The following CRYBG1 variants were observed in gnomAD, a reference collection of about 807,000 sequenced individuals.
CRYBG1 encodes crystallin beta-gamma domain containing 1.
A neutral mutation model predicts 189.2 loss-of-function variants in CRYBG1; 139 were observed. That is an observed-to-expected ratio of 0.73 (90% CI 0.64 to 0.85). The LOEUF (loss-of-function observed/expected upper bound fraction) is 0.85. CRYBG1 is among the 40% of genes least tolerant of loss of function. The probability of loss-of-function intolerance (pLI) is 0.00; values close to 1 mark genes in which losing one functional copy is unlikely to be tolerated. For synonymous variants in CRYBG1, 1,023 were observed against 1,017.1 expected (o/e 1.01, Z -0.11); for missense variants, 2,611 against 2,675.8 (o/e 0.98, Z 0.53).
intron 1 of CRYBG1, among the ~76,000 whole-genome samples, chr6:106,441,960 C>T (rs900593543): frequency 1.3e-5 from 2 of 152,094 alleles, no homozygotes; most frequent in African/African-American, 2.4e-5. Flanking sequence ...TTACTATAAG[C>T]ACCATATTAT....
chr6:106,511,527 G>T lies in CRYBG1; in HGVS notation c.410G>T (p.Gly137Val), dbSNP rs1322158047. ...TAGRRRNSRN[G>V]LESPTRSNAK... ...GGAAGGAGAAGAAACAGTAGAAACG[G>T]GTTAGAGAGTCCCACCAGATCAAAT... The change falls in exon 3 of 22, where the codon GGG becomes GTG. Residue 137 changes from glycine to valine, a missense_variant. Coordinates refer to ENST00000633556, the MANE Select transcript of CRYBG1 (RefSeq NM_001371242.2). 1.8e-5 allele frequency: 28 copies of T among 1,535,604 alleles called. No individual in the cohort carries two copies. The highest frequency in any genetic ancestry group is 2.4e-5 in the Non-Finnish European group (28 of 1,146,604).
chr6:106,387,109 T>C (rs7757514), intron 1 of CRYBG1, among the ~76,000 whole-genome samples: 19,013 of 152,176 alleles, frequency 0.12, 1,317 homozygotes, highest in African/African-American at 0.17. Flanking sequence ...GAAGAAAATA[T>C]CCAGAGGTGG....
In CRYBG1 at chr6:106,544,818, A is replaced by G. The variant is rs765299492; in HGVS notation, c.5197A>G (p.Ser1733Gly). ...DFSNAHMIMYSEKNFGSKGSS... is the reference protein window; with the variant it reads ...DFSNAHMIMYGEKNFGSKGSS... The stretch of plus-strand genomic sequence containing the variant: ...TTCAAATGCTCACATGATAATGTAC[A>G]GTGAAAAAAACTTTGGATCCAAAGG... The change falls in exon 13 of 22, where the codon AGT (serine) becomes GGT (glycine). Residue 1733 changes from serine to glycine, a missense_variant. Coordinates refer to ENST00000633556, the MANE Select transcript of CRYBG1 (RefSeq NM_001371242.2). The G allele has an allele frequency of 3.1e-6, 5 of 1,609,356 alleles. No homozygotes were observed. Among genetic ancestry groups the G allele is most frequent in the East Asian group, 4.5e-5 (2 of 44,834 alleles).
chr6:106,484,424 C>T (rs536677109), intron 2 of CRYBG1, among the ~76,000 whole-genome samples: 4 of 152,024 alleles, frequency 2.6e-5, no homozygotes, highest in Non-Finnish European at 5.9e-5. Context: ...CTCAAGCAAT[C>T]CTCCAACCTC....
intron 1 of CRYBG1, among the ~76,000 whole-genome samples, chr6:106,408,526 G>A (rs555973529): frequency 2.0e-5 from 3 of 152,260 alleles, no homozygotes; most frequent in African/African-American, 7.2e-5. Flanking sequence ...ATTTTATGAG[G>A]TCAGCATCAT....
intron 1 of CRYBG1, among the ~76,000 whole-genome samples, chr6:106,437,049 T>A (rs1345097056): frequency 2.0e-5 from 3 of 152,122 alleles, no homozygotes; most frequent in Non-Finnish European, 4.4e-5. Flanking sequence ...GAGACTGCAG[T>A]GTACTATAAT....
At chr6:106,367,228 T>C (rs1260414528) in intron 1 of CRYBG1, among the ~76,000 whole-genome samples, 1 of 152,214 alleles carries the variant, frequency 6.6e-6, no homozygotes, top group Non-Finnish European at 1.5e-5. Context: ...CATAAACCCT[T>C]TTGGGGACCT....
intron 1 of CRYBG1, among the ~76,000 whole-genome samples, chr6:106,380,584 A>G (rs1238191386): frequency 1.3e-5 from 2 of 152,248 alleles, no homozygotes. Flanking sequence ...AAGATGAGTA[A>G]TCATAACAAT....
chr6:106,430,545 G>A lies in CRYBG1; in HGVS notation c.174-21149G>A, dbSNP rs149416125. 5.4e-3 allele frequency among the ~76,000 whole-genome samples: 816 copies of A among 152,300 alleles called. 8 individuals are homozygous for A. Among genetic ancestry groups the A allele is most frequent in the African/African-American group, 0.019 (788 of 41,546 alleles). On this transcript the variant is annotated intron_variant, in intron 1 of 21. Coordinates refer to ENST00000633556, the MANE Select transcript of CRYBG1 (RefSeq NM_001371242.2). ...TCTTTATTGTTTGTAATGATTCCAT[G>A]CATCTGGGACTTTCTGAGGTGGGAA... is the stretch of plus-strand genomic sequence containing the variant.
chr6:106,472,930 G>A (rs937898237), intron 2 of CRYBG1, among the ~76,000 whole-genome samples: 1 of 144,144 alleles, frequency 6.9e-6, no homozygotes, highest in East Asian at 2.0e-4. Context: ...AAAAAAGAAA[G>A]TATATTCTGT....
At chr6:106,374,422 G>C (rs1187264334) in intron 1 of CRYBG1, among the ~76,000 whole-genome samples, 1 of 152,112 alleles carries the variant, frequency 6.6e-6, no homozygotes, top group Non-Finnish European at 1.5e-5. Flanking sequence ...ACTGGGCAGG[G>C]TGGCATGCAC....
chr6:106,386,801 G>A (rs1435268526), intron 1 of CRYBG1, among the ~76,000 whole-genome samples: 4 of 152,202 alleles, frequency 2.6e-5, no homozygotes, highest in African/African-American at 9.7e-5. Context: ...TCGCTCACTT[G>A]CCTGTCATTC....
chr6:106,440,371 T>C (rs1771545747), intron 1 of CRYBG1, among the ~76,000 whole-genome samples: 1 of 151,924 alleles, frequency 6.6e-6, no homozygotes. Context: ...TTCAAGCAAG[T>C]CTTCTGCCTC....
chr6:106,542,543 G>A (rs1031164088), intron 10 of CRYBG1, among the ~76,000 whole-genome samples: 17 of 150,922 alleles, frequency 1.1e-4, no homozygotes, highest in African/African-American at 4.1e-4. Flanking sequence ...GCCTCCCAAA[G>A]TGCTGGAATT....
intron 19 of CRYBG1, 45 bp from the exon 20 acceptor site, chr6:106,561,297 A>G (rs757419440): frequency 6.3e-6 from 10 of 1,594,098 alleles, no homozygotes; most frequent in Admixed American, 5.2e-5. Flanking sequence ...CAGTGCTTCC[A>G]GCAGCACATC....
rs141825296 is a variant in CRYBG1 at position 106,442,540 on chromosome 6, G to A, written c.174-9154G>A. Among the ~76,000 whole-genome samples, 615 of 152,330 alleles carry A rather than the reference G, an allele frequency of 4.0e-3. 8 individuals are homozygous for A. The highest frequency in any genetic ancestry group is 0.014 in the African/African-American group (580 of 41,576). On this transcript the variant is annotated intron_variant, in intron 1 of 21. Transcript: ENST00000633556. ...AATAACCAACAGACCAGTTTTGCAT[G>A]TAACTATCGTGGTTAGGAGGAGGTG...
intron 1 of CRYBG1, among the ~76,000 whole-genome samples, chr6:106,366,855 T>C (rs1772009642): frequency 6.6e-6 from 1 of 152,198 alleles, no homozygotes; most frequent in South Asian, 2.1e-4. Flanking sequence ...ATAGTAATGG[T>C]AGTAGTATTA....
rs553408477 is a variant in CRYBG1, at chr6:106,556,278, A to G, written c.5715+381A>G. Reference sequence around the variant, plus strand: ...CCATTACTGAATATTCTCTCATTCTAATTTTTGTCAACTTGATAGAATGAG... The same window carrying G: ...CCATTACTGAATATTCTCTCATTCTGATTTTTGTCAACTTGATAGAATGAG... On this transcript the variant is annotated intron_variant, in intron 17 of 21. Transcript: ENST00000633556. 7.2e-4 allele frequency among the ~76,000 whole-genome samples: 109 copies of G among 152,326 alleles called. 2 individuals are homozygous for G. In the South Asian group the frequency reaches 0.012, roughly 17 times the overall value.
At chr6:106,532,492 C>T (rs949864875) in intron 8 of CRYBG1, among the ~76,000 whole-genome samples, 1 of 152,166 alleles carries the variant, frequency 6.6e-6, no homozygotes, top group South Asian at 2.1e-4. Context: ...TACTGTTTTC[C>T]ATAATGGCTG....
Sources: gnomAD v4.1 joint callset for allele counts (sites outside exome capture counted in the v4.1 genomes callset) on GRCh38, gnomAD v4.1.1 for gene constraint, MANE v1.5 for transcripts, NCBI Gene and HGNC (gene_info 2026-07-23, HGNC 2026-07-21) for gene names.